The following GPR158 variants were observed in gnomAD, a reference collection of about 807,000 sequenced individuals.
GPR158 encodes G protein-coupled receptor 158.
GPR158 carries 30 observed loss-of-function variants against 78.2 expected under a neutral mutation model. The observed-to-expected ratio is 0.38, with a 90% confidence interval of 0.29 to 0.52. GPR158 has a LOEUF of 0.52. Among genes scored for constraint, GPR158 ranks in the 20% least tolerant of loss-of-function variants. The pLI is 0.83. For synonymous variants in GPR158, 581 were observed against 591.1 expected (o/e 0.98, Z 0.25); for missense variants, 1,463 against 1,523.5 (o/e 0.96, Z 0.66).
intron 5 of GPR158, among the ~76,000 whole-genome samples, chr10:25,481,286 T>C (rs147916489): frequency 5.3e-5 from 8 of 152,248 alleles, no homozygotes; most frequent in Non-Finnish European, 1.2e-4. Flanking sequence ...CATTCCGCAG[T>C]GTCATGGTGT....
chr10:25,428,005 A>G (rs1834847342), intron 4 of GPR158, among the ~76,000 whole-genome samples: 1 of 152,044 alleles, frequency 6.6e-6, no homozygotes, highest in South Asian at 2.1e-4. Context: ...TCATTCTTTT[A>G]TAGTCATACC....
At chr10:25,199,552 T>C (rs1373654434) in intron 1 of GPR158, among the ~76,000 whole-genome samples, 1 of 152,116 alleles carries the variant, frequency 6.6e-6, no homozygotes, top group Non-Finnish European at 1.5e-5. Flanking sequence ...AATTGTAATC[T>C]CCAGCGTCCA....
intron 5 of GPR158, among the ~76,000 whole-genome samples, chr10:25,523,819 C>T (rs1247303081): frequency 6.6e-6 from 1 of 151,486 alleles, no homozygotes; most frequent in East Asian, 1.9e-4. Flanking sequence ...AGATTCTAGC[C>T]ACAGCAATTA....
chr10:25,564,832 A>T (rs1309652304), intron 6 of GPR158, among the ~76,000 whole-genome samples: 2 of 152,206 alleles, frequency 1.3e-5, no homozygotes, highest in South Asian at 2.1e-4. Context: ...ATTCCAAAAA[A>T]GTTGACTCTA....
Position 25,225,508 on chromosome 10 carries a change from A to G in GPR158, c.1008+4351A>G, listed in dbSNP as rs887170023. On this transcript the variant is annotated intron_variant, in intron 2 of 10. Coordinates refer to ENST00000376351, the MANE Select transcript of GPR158 (RefSeq NM_020752.3). ...TGCATTCTCAGATGTGTGATCATGT[A>G]AAGTATAGATTGAGTGAGGGCATTA... Among the ~76,000 whole-genome samples, 3 of 152,264 alleles carry G rather than the reference A, an allele frequency of 2.0e-5. No individual in the cohort carries two copies. The South Asian group carries it at 6.2e-4, about 32-fold the overall frequency.
intron 5 of GPR158, among the ~76,000 whole-genome samples, chr10:25,482,228 G>C (rs760413473): frequency 6.6e-6 from 1 of 151,998 alleles, no homozygotes; most frequent in Non-Finnish European, 1.5e-5. Flanking sequence ...CTATTGCCCA[G>C]GCTGGAGGGC....
intron 2 of GPR158, among the ~76,000 whole-genome samples, chr10:25,373,940 A>T (rs548130842): frequency 5.3e-4 from 80 of 151,746 alleles, no homozygotes; most frequent in Middle Eastern, 3.4e-3. Flanking sequence ...ATTTAGGTCA[A>T]ATTTTTTGAT....
At chr10:25,263,086 A>T (rs1853991070) in intron 2 of GPR158, among the ~76,000 whole-genome samples, 1 of 152,064 alleles carries the variant, frequency 6.6e-6, no homozygotes, top group South Asian at 2.1e-4. Context: ...TCTTCCATGG[A>T]TTGTGTCTTT....
At chr10:25,471,956 C>G (rs1835512077) in intron 5 of GPR158, among the ~76,000 whole-genome samples, 1 of 152,108 alleles carries the variant, frequency 6.6e-6, no homozygotes, top group East Asian at 1.9e-4. Flanking sequence ...TGCAGAAGCC[C>G]TTTAGTTTAA....
intron 2 of GPR158, among the ~76,000 whole-genome samples, chr10:25,267,600 A>T (rs1014239063): frequency 6.6e-6 from 1 of 152,108 alleles, no homozygotes; most frequent in African/African-American, 2.4e-5. Context: ...TGTTATTTTT[A>T]TGGAATTATT....
chr10:25,340,287 GA>G (rs1855284375), intron 2 of GPR158, among the ~76,000 whole-genome samples: 1 of 151,972 alleles, frequency 6.6e-6, no homozygotes, highest in Non-Finnish European at 1.5e-5. Context: ...GGGTTGATTT[GA>G]AACAAGATAT....
intron 7 of GPR158, 37 bp from the exon 8 acceptor site, chr10:25,588,970 C>T (rs2130747774): frequency 2.1e-6 from 3 of 1,438,354 alleles, no homozygotes; most frequent in Non-Finnish European, 2.8e-6. Context: ...ATTTCTTCAC[C>T]TATAAAACTC....
At chr10:25,525,871 C>G (rs1028562164) in intron 5 of GPR158, among the ~76,000 whole-genome samples, 1 of 152,068 alleles carries the variant, frequency 6.6e-6, no homozygotes, top group Non-Finnish European at 1.5e-5. Flanking sequence ...CTTTGGGAGG[C>G]TGAAGTGGGT....
At chr10:25,231,156 C>T (rs1451437895) in intron 2 of GPR158, among the ~76,000 whole-genome samples, 2 of 152,170 alleles carry the variant, frequency 1.3e-5, no homozygotes, top group Non-Finnish European at 2.9e-5. Context: ...TATTATTCAG[C>T]ATTGCCACGT....
At chr10:25,323,615 C>T (rs983392055) in intron 2 of GPR158, among the ~76,000 whole-genome samples, 9 of 151,502 alleles carry the variant, frequency 5.9e-5, no homozygotes, top group Non-Finnish European at 1.0e-4. Flanking sequence ...CAGCCTTGAT[C>T]TCCTGGGCTC....
intron 4 of GPR158, among the ~76,000 whole-genome samples, chr10:25,444,540 TGTG>T (rs1287640353): frequency 6.6e-6 from 1 of 151,122 alleles, no homozygotes; most frequent in Non-Finnish European, 1.5e-5. Context: ...GAAGTGTGTG[TGTG>T]GTGTGTGTGG....
intron 2 of GPR158, among the ~76,000 whole-genome samples, chr10:25,345,361 T>C (rs1468224332): frequency 2.6e-5 from 4 of 151,984 alleles, no homozygotes; most frequent in Non-Finnish European, 5.9e-5. Context: ...TAACAGTCTT[T>C]GCAGTACTTT....
chr10:25,321,779 A>G (rs1170786863), intron 2 of GPR158, among the ~76,000 whole-genome samples: 1 of 152,198 alleles, frequency 6.6e-6, no homozygotes, highest in Non-Finnish European at 1.5e-5. Context: ...GGTGTCCTTA[A>G]AGCAAGACAG....
chr10:25,481,308 G>A (rs534246805), intron 5 of GPR158, among the ~76,000 whole-genome samples: 4 of 152,226 alleles, frequency 2.6e-5, no homozygotes, highest in South Asian at 2.1e-4. Context: ...GCCGCTGCAC[G>A]CCAAGCTGCA....
Sources: gnomAD v4.1 joint callset for allele counts (sites outside exome capture counted in the v4.1 genomes callset) on GRCh38, gnomAD v4.1.1 for gene constraint, MANE v1.5 for transcripts, NCBI Gene and HGNC (gene_info 2026-07-23, HGNC 2026-07-21) for gene names.